The following DPP10 variants were observed in gnomAD, a reference collection of about 807,000 sequenced individuals.
DPP10 encodes the protein dipeptidyl peptidase like 10, also known as inactive dipeptidyl peptidase 10.
DPP10 carries 33 observed loss-of-function variants against 120.9 expected under a neutral mutation model. That is an observed-to-expected ratio of 0.27 (90% confidence interval 0.21 to 0.37). DPP10 has a LOEUF of 0.37. Among genes scored for constraint, DPP10 ranks in the 10% least tolerant of loss-of-function variants. The pLI, the probability that DPP10 is intolerant of heterozygous loss-of-function variation, is 1.00. For missense variants in DPP10, 816 were observed against 942.8 expected (o/e 0.87, Z 1.76); for synonymous variants, 337 against 326.1 (o/e 1.03, Z -0.36).
intron 1 of DPP10, among the ~76,000 whole-genome samples, chr2:114,959,394 G>A (rs1427221951): frequency 6.6e-6 from 1 of 152,130 alleles, no homozygotes; most frequent in Non-Finnish European, 1.5e-5. Flanking sequence ...CATGTAGCAT[G>A]TGTCAATACT....
At chr2:114,615,184 TAAGTA>T (rs755101825) in intron 1 of DPP10, among the ~76,000 whole-genome samples, 66 of 152,288 alleles carry the variant, frequency 4.3e-4, no homozygotes, top group Non-Finnish European at 8.5e-4. Flanking sequence ...TTTTATTTTC[TAAGTA>T]AAGAATAAAC....
At chr2:115,038,511 T>C (rs1704394919) in intron 1 of DPP10, among the ~76,000 whole-genome samples, 1 of 152,028 alleles carries the variant, frequency 6.6e-6, no homozygotes, top group Admixed American at 6.6e-5. Context: ...TCTCCTGACC[T>C]CGTGATCCGC....
At chr2:114,987,298 T>C (rs950643190) in intron 1 of DPP10, among the ~76,000 whole-genome samples, 2 of 152,208 alleles carry the variant, frequency 1.3e-5, no homozygotes, top group African/African-American at 4.8e-5. Context: ...TTCTCCTGTA[T>C]CCACCATGTA....
intron 1 of DPP10, among the ~76,000 whole-genome samples, chr2:114,540,768 AAC>A (rs1294867852): frequency 6.6e-6 from 1 of 152,214 alleles, no homozygotes; most frequent in Non-Finnish European, 1.5e-5. Flanking sequence ...TTCGTTTTCT[AAC>A]AGTTTAGCGA....
At chr2:114,486,000 T>C (rs1681484725) in intron 1 of DPP10, among the ~76,000 whole-genome samples, 1 of 152,202 alleles carries the variant, frequency 6.6e-6, no homozygotes, top group Non-Finnish European at 1.5e-5. Context: ...TTGTACTCTC[T>C]GATACAATTT....
chr2:115,535,058 A>G (rs2078725440), intron 5 of DPP10, among the ~76,000 whole-genome samples: 1 of 149,914 alleles, frequency 6.7e-6, no homozygotes, highest in East Asian at 2.0e-4. Context: ...CCCATTTTGT[A>G]GGTTGCCTGT....
intron 7 of DPP10, among the ~76,000 whole-genome samples, chr2:115,693,379 TG>T (rs2091422879): frequency 6.6e-6 from 1 of 152,062 alleles, no homozygotes; most frequent in Admixed American, 6.6e-5. Context: ...TCTGATGTTG[TG>T]AACAATAGAG....
intron 1 of DPP10, among the ~76,000 whole-genome samples, chr2:115,297,469 T>A (rs1379054732): frequency 6.6e-6 from 1 of 152,196 alleles, no homozygotes; most frequent in East Asian, 1.9e-4. Context: ...GAATCAATAT[T>A]TGACATTCTA....
intron 1 of DPP10, among the ~76,000 whole-genome samples, chr2:114,551,734 G>A (rs931097809): frequency 1.3e-5 from 2 of 152,200 alleles, no homozygotes; most frequent in East Asian, 3.9e-4. Flanking sequence ...GTATCAGTAG[G>A]GCATCTGTGC....
chr2:115,290,807 G>A (rs1380408128), intron 1 of DPP10, among the ~76,000 whole-genome samples: 1 of 152,026 alleles, frequency 6.6e-6, no homozygotes, highest in African/African-American at 2.4e-5. Context: ...TAACACTCTA[G>A]CATTGCTTAT....
chr2:115,065,092 A>T (rs2105415411), intron 1 of DPP10, among the ~76,000 whole-genome samples: 1 of 152,222 alleles, frequency 6.6e-6, no homozygotes, highest in South Asian at 2.1e-4. Context: ...CACCCTTTAT[A>T]TGCTCTGGGT....
At chr2:114,937,264 A>G (rs911201934) in intron 1 of DPP10, among the ~76,000 whole-genome samples, 4 of 152,160 alleles carry the variant, frequency 2.6e-5, no homozygotes, top group South Asian at 2.1e-4. Flanking sequence ...TGATTTTTGT[A>G]TAAGGTGAGA....
chr2:114,886,993 G>GAA (rs1692125800), intron 1 of DPP10, among the ~76,000 whole-genome samples: 10 of 152,146 alleles, frequency 6.6e-5, no homozygotes, highest in Non-Finnish European at 1.0e-4. Flanking sequence ...TGAATTATTT[G>GAA]TTATATTTTG....
At chr2:115,452,650 T>C (rs545298552) in intron 3 of DPP10, among the ~76,000 whole-genome samples, 4 of 152,106 alleles carry the variant, frequency 2.6e-5, no homozygotes, top group East Asian at 3.9e-4. Context: ...ATCATTTCCA[T>C]AGACATTTGT....
intron 1 of DPP10, among the ~76,000 whole-genome samples, chr2:114,754,194 G>A (rs11682422): frequency 0.29 from 44,413 of 151,924 alleles, 6,903 homozygotes; most frequent in South Asian, 0.4. Context: ...GACAGGGTAA[G>A]GATAGTTGAG....
chr2:114,941,732 T>C (rs1325884572), intron 1 of DPP10, among the ~76,000 whole-genome samples: 1 of 152,162 alleles, frequency 6.6e-6, no homozygotes, highest in Non-Finnish European at 1.5e-5. Flanking sequence ...TTACCATCTA[T>C]ACCAGGTAAT....
chr2:115,526,864 T>C (rs1003479137), intron 5 of DPP10, among the ~76,000 whole-genome samples: 5 of 152,118 alleles, frequency 3.3e-5, no homozygotes, highest in Non-Finnish European at 5.9e-5. Flanking sequence ...TTTTTTGACT[T>C]AAGTAATTTA....
chr2:115,016,991 G>A (rs1478133579), intron 1 of DPP10, among the ~76,000 whole-genome samples: 1 of 148,030 alleles, frequency 6.8e-6, no homozygotes, highest in Non-Finnish European at 1.5e-5. Context: ...CTCACTCATA[G>A]GTAGGAATTG....
intron 1 of DPP10, among the ~76,000 whole-genome samples, chr2:114,826,813 C>A (rs141319648): frequency 6.6e-6 from 1 of 152,320 alleles, no homozygotes; most frequent in Admixed American, 6.5e-5. Context: ...CAGGCGTGAG[C>A]CACCGTGCTG....
Sources: gnomAD v4.1 joint callset for allele counts (sites outside exome capture counted in the v4.1 genomes callset) on GRCh38, gnomAD v4.1.1 for gene constraint, MANE v1.5 for transcripts, NCBI Gene and HGNC (gene_info 2026-07-23, HGNC 2026-07-21) for gene names.